PID1: variants seen among roughly 807,000 people sequenced by gnomAD.
PID1 encodes PTB-containing, cubilin and LRP1-interacting protein.
In PID1, 10 loss-of-function variants were observed where a neutral mutation model predicts 19.1. The observed-to-expected ratio is 0.52, with a 90% CI of 0.32 to 0.89. The LOEUF (loss-of-function observed/expected upper bound fraction) is 0.89. Ranked by LOEUF, PID1 falls within the 40% of genes least tolerant of loss-of-function variation. The pLI is 0.03. For synonymous variants in PID1, 130 were observed against 116.0 expected, an observed-to-expected ratio of 1.12 and a Z score of -0.78; for missense variants, 248 against 285.3, an observed-to-expected ratio of 0.87 and a Z score of 0.94.
intron 1 of PID1, among the ~76,000 whole-genome samples, chr2:229,230,259 T>C (rs1211840942): frequency 3.9e-5 from 6 of 152,144 alleles, no homozygotes; most frequent in African/African-American, 1.4e-4. Context: ...CAAAAGCAGA[T>C]ACCATATTGC....
At chr2:229,059,065 GA>G (rs1406470119) in intron 2 of PID1, among the ~76,000 whole-genome samples, 1 of 152,104 alleles carries the variant, frequency 6.6e-6, no homozygotes, top group Admixed American at 6.6e-5. Context: ...CAAACAAAAT[GA>G]AAAACCCAAG....
At chr2:229,131,064 T>A (rs1689728895) in intron 2 of PID1, among the ~76,000 whole-genome samples, 1 of 152,176 alleles carries the variant, frequency 6.6e-6, no homozygotes, top group African/African-American at 2.4e-5. Flanking sequence ...CATCTTAACT[T>A]AATTATATCT....
intron 2 of PID1, among the ~76,000 whole-genome samples, chr2:229,027,569 G>GT (rs978422998): frequency 6.6e-6 from 1 of 152,198 alleles, no homozygotes; most frequent in African/African-American, 2.4e-5. Context: ...GCAAAGTACT[G>GT]TGAGTGTTCA....
At chr2:229,097,945 G>A (rs947942326) in intron 2 of PID1, among the ~76,000 whole-genome samples, 1 of 152,268 alleles carries the variant, frequency 6.6e-6, no homozygotes, top group South Asian at 2.1e-4. Flanking sequence ...CCAGAGCTAG[G>A]AATTCTGGGA....
rs1038491540 is a variant in PID1 at position 229,024,635 on chromosome 2, G to A, written c.*997C>T. 9 of 152,654 alleles carry A rather than the reference G, an allele frequency of 5.9e-5. No homozygotes were observed. Among genetic ancestry groups the A allele is most frequent in the Middle Eastern group, 3.4e-3 (1 of 294 alleles). 9.5% of individuals were successfully genotyped at this position (152,654 alleles called of 1,614,324 possible). A position where few individuals can be genotyped will look rare whatever the true frequency, so the allele number is the denominator to read the frequency against. Reference sequence around the variant, plus strand: ...TGAGTGATGGGGGCAAGGTTTCCTCGGTGATACCAAATCAGATTTGAAGCT... The same window carrying A: ...TGAGTGATGGGGGCAAGGTTTCCTCAGTGATACCAAATCAGATTTGAAGCT... On this transcript the variant is annotated 3_prime_UTR_variant, in exon 3 of 3. Coordinates refer to ENST00000392055, the MANE Select transcript of PID1 (RefSeq NM_001100818.2).
At position 229,125,306 on chromosome 2, in the gene PID1, T is replaced by C. The variant is rs1449224101; in HGVS notation, c.177+30512A>G. On this transcript the variant is annotated intron_variant, in intron 2 of 2. Transcript: ENST00000392055. ...TCAGAGCCCTCCAGCAATGAGTATG[T>C]GGTATGAGTAAGAAATAAACCTTTA... Among the ~76,000 whole-genome samples the C allele has an allele frequency of 2.6e-5, 4 of 152,050 alleles. No homozygotes were observed. In the East Asian group the frequency reaches 7.7e-4, roughly 29 times the overall value.
chr2:229,135,010 T>C (rs951928732), intron 2 of PID1, among the ~76,000 whole-genome samples: 2 of 150,554 alleles, frequency 1.3e-5, no homozygotes, highest in African/African-American at 4.9e-5. Context: ...AAAACGAAGA[T>C]GGGGAATAAA....
chr2:229,263,392 G>A (rs767455636), intron 1 of PID1, among the ~76,000 whole-genome samples: 31 of 152,266 alleles, frequency 2.0e-4, no homozygotes, highest in Non-Finnish European at 3.8e-4. Flanking sequence ...GACAGAAAAG[G>A]AGGAAAAGGC....
chr2:229,087,926 A>G (rs148000585), intron 2 of PID1, among the ~76,000 whole-genome samples: 36 of 152,162 alleles, frequency 2.4e-4, no homozygotes, highest in African/African-American at 8.2e-4. Flanking sequence ...ATTCAACTCA[A>G]TTTCAGTTGA....
chr2:229,249,531 A>G (rs1173114595), intron 1 of PID1, among the ~76,000 whole-genome samples: 1 of 152,228 alleles, frequency 6.6e-6, no homozygotes, highest in Non-Finnish European at 1.5e-5. Context: ...TTCCATGTGC[A>G]ATGGGGCACA....
chr2:229,159,847 T>C (rs370202793), intron 1 of PID1, among the ~76,000 whole-genome samples: 30 of 152,190 alleles, frequency 2.0e-4, no homozygotes, highest in Admixed American at 9.2e-4. Flanking sequence ...TTTCTGTCCT[T>C]GCTCCTAATA....
intron 1 of PID1, among the ~76,000 whole-genome samples, chr2:229,167,238 GA>G (rs2106206427): frequency 6.6e-6 from 1 of 152,172 alleles, no homozygotes; most frequent in African/African-American, 2.4e-5. Flanking sequence ...AATATGATGA[GA>G]ATGAAGATAT....
intron 2 of PID1, among the ~76,000 whole-genome samples, chr2:229,044,386 T>C (rs560132503): frequency 6.6e-6 from 1 of 150,844 alleles, no homozygotes; most frequent in East Asian, 2.0e-4. Context: ...AAGAAAAAGG[T>C]AGGACCTGCA....
At chr2:229,142,827 C>T (rs1030775892) in intron 2 of PID1, among the ~76,000 whole-genome samples, 40 of 152,024 alleles carry the variant, frequency 2.6e-4, no homozygotes, top group Non-Finnish European at 4.7e-4. Context: ...ACCATTTGAC[C>T]CAGCCATCCC....
At position 229,128,614 on chromosome 2, in the gene PID1, A is replaced by G. The variant is rs540096145; in HGVS notation, c.177+27204T>C. On this transcript the variant is annotated intron_variant, in intron 2 of 2. Transcript: ENST00000392055. Reference sequence around the variant, plus strand: ...GACAAACGCTATACAAAGAACCATGAGGATTTCTTCATTCCAATTTATTTT... The same window carrying G: ...GACAAACGCTATACAAAGAACCATGGGGATTTCTTCATTCCAATTTATTTT... Among the ~76,000 whole-genome samples the G allele has an allele frequency of 7.0e-4, 107 of 152,352 alleles. 1 individual carries two copies. Among genetic ancestry groups the G allele is most frequent in the African/African-American group, 2.5e-3 (106 of 41,580 alleles).
intron 1 of PID1, among the ~76,000 whole-genome samples, chr2:229,192,217 C>A (rs556537422): frequency 1.3e-5 from 2 of 152,126 alleles, no homozygotes; most frequent in Non-Finnish European, 2.9e-5. Context: ...CCTAGGAGTA[C>A]CTTTTTTATC....
chr2:229,210,173 G>C (rs1053628789), intron 1 of PID1, among the ~76,000 whole-genome samples: 2 of 151,418 alleles, frequency 1.3e-5, no homozygotes, highest in Non-Finnish European at 2.9e-5. Context: ...ATGTAAAGGA[G>C]GGGGAGGATC....
intron 1 of PID1, among the ~76,000 whole-genome samples, chr2:229,173,245 G>C (rs1386376725): frequency 6.6e-6 from 1 of 152,190 alleles, no homozygotes; most frequent in Non-Finnish European, 1.5e-5. Context: ...CATGGGGTCT[G>C]TCCAAATTCA....
intron 1 of PID1, 26 bp from the exon 2 acceptor site, chr2:229,155,990 T>C (rs763979606): frequency 6.2e-7 from 1 of 1,606,870 alleles, no homozygotes; most frequent in Admixed American, 1.7e-5. Flanking sequence ...ATAAGCCACA[T>C]GTAGTTTAAT....
Sources: allele counts gnomAD v4.1 joint callset (sites outside exome capture counted in the v4.1 genomes callset), GRCh38; gene constraint gnomAD v4.1.1; transcripts MANE v1.5; gene names NCBI Gene and HGNC (gene_info 2026-07-23, HGNC 2026-07-21).